Variants in NFX1 observed in about 807,000 individuals in gnomAD.
The protein encoded by NFX1 is transcriptional repressor NF-X1.
Under a neutral mutation model 137.2 loss-of-function variants are expected in NFX1, and 69 were observed. That is an observed-to-expected ratio of 0.50 (90% CI 0.41 to 0.61). The LOEUF is 0.61. Among genes scored for constraint, NFX1 ranks in the 20% least tolerant of loss-of-function variants. The probability of loss-of-function intolerance (pLI) is 0.00; values close to 1 mark genes in which losing one functional copy is unlikely to be tolerated. For synonymous variants in NFX1, 495 were observed against 474.1 expected, an observed-to-expected ratio of 1.04 and a Z score of -0.57; for missense variants, 1,167 against 1,391.0, an observed-to-expected ratio of 0.84 and a Z score of 2.56.
chr9:33,341,757 C>T (rs1260638564), intron 12 of NFX1, among the ~76,000 whole-genome samples: 1 of 152,248 alleles, frequency 6.6e-6, no homozygotes, highest in African/African-American at 2.4e-5. Flanking sequence ...TGGTAAAACC[C>T]CATCTCTGCC....
At chr9:33,307,949 G>A (rs551681643) in intron 5 of NFX1, among the ~76,000 whole-genome samples, 30 of 151,932 alleles carry the variant, frequency 2.0e-4, no homozygotes, top group African/African-American at 6.0e-4. Flanking sequence ...GACTACAGGC[G>A]TGTGCCACCA....
intron 9 of NFX1, among the ~76,000 whole-genome samples, chr9:33,322,883 C>A (rs1822439437): frequency 6.6e-6 from 1 of 152,198 alleles, no homozygotes; most frequent in Non-Finnish European, 1.5e-5. Flanking sequence ...CCATCTAGTT[C>A]ATCAGAGAGA....
chr9:33,339,051 T>C lies in NFX1; in HGVS notation c.2115+462T>C, dbSNP rs1401624911. 5.3e-5 allele frequency among the ~76,000 whole-genome samples: 8 copies of C among 152,310 alleles called. No homozygotes were observed. The East Asian group carries it at 1.3e-3, about 26-fold the overall frequency. Reference sequence around the variant, plus strand: ...AAAATATTTATTTAAAATATTTGCTTTTATGGAACTAATTAAATCACTAGC... The same window carrying C: ...AAAATATTTATTTAAAATATTTGCTCTTATGGAACTAATTAAATCACTAGC... On this transcript the variant is annotated intron_variant, in intron 12 of 23. Coordinates refer to ENST00000379540, the MANE Select transcript of NFX1 (RefSeq NM_002504.6).
At position 33,369,950 on chromosome 9, in the gene NFX1, T is replaced by A; in HGVS notation, c.3335T>A (p.Ile1112Lys). The A allele has an allele frequency of 6.2e-7, 1 of 1,613,500 alleles. No individual in the cohort carries two copies. Among genetic ancestry groups the A allele is most frequent in the Non-Finnish European group, 8.5e-7 (1 of 1,179,530 alleles). The stretch of plus-strand genomic sequence containing the variant: ...TTACAGAAAATAACCAAGGAGCCAA[T>A]AATTGACTATTTTGACGTCCAGGAC... ...SNLQKITKEP[I>K]IDYFDVQD Residue 1112 changes from isoleucine (I) to lysine (K), a missense_variant, in exon 24 of 24, where the codon ATA (isoleucine) becomes AAA (lysine). Physicochemically the swap from Ile to Lys is moderately radical, Grantham distance 102. This residue lies in a region of NFX1 where 312 missense variants were observed against 312.8 expected (regional missense o/e 1.00). Coordinates refer to ENST00000379540, the MANE Select transcript of NFX1 (RefSeq NM_002504.6).
chr9:33,344,603 A>C (rs1229984896), intron 14 of NFX1, among the ~76,000 whole-genome samples: 2 of 152,368 alleles, frequency 1.3e-5, no homozygotes, highest in African/African-American at 4.8e-5. Context: ...GCAGTGGCTC[A>C]TGCCTGTAAT....
At chr9:33,324,802 A>G (rs1822517243) in intron 9 of NFX1, among the ~76,000 whole-genome samples, 1 of 151,036 alleles carries the variant, frequency 6.6e-6, no homozygotes, top group Admixed American at 6.6e-5. Context: ...GGTGGCGGGC[A>G]CCTGTAGTCC....
chr9:33,297,086 A>G (rs1821383344), intron 2 of NFX1, among the ~76,000 whole-genome samples: 1 of 152,170 alleles, frequency 6.6e-6, no homozygotes, highest in African/African-American at 2.4e-5. Flanking sequence ...CCTCCGGAGC[A>G]GCATAGTAAC....
At chr9:33,307,980 G>A (rs1367155903) in intron 5 of NFX1, among the ~76,000 whole-genome samples, 1 of 151,250 alleles carries the variant, frequency 6.6e-6, no homozygotes, top group East Asian at 2.0e-4. Context: ...ATTTTTGTAT[G>A]TTTTGGTAGA....
chr9:33,350,558 GGCTTCT>G (rs1823600263), intron 15 of NFX1, among the ~76,000 whole-genome samples: 1 of 152,110 alleles, frequency 6.6e-6, no homozygotes, highest in South Asian at 2.1e-4. Flanking sequence ...TCACATTTTT[GGCTTCT>G]GCTGCAAATC....
chr9:33,354,971 C>T (rs2118653242), intron 19 of NFX1, 79 bp downstream of exon 19: 4 of 1,367,150 alleles, frequency 2.9e-6, no homozygotes, highest in African/African-American at 1.4e-5. Context: ...ACCCTTCAAA[C>T]GTCATTCACT....
chr9:33,358,647 ATTTTTTTTTTTT>A (rs61589629), intron 19 of NFX1, among the ~76,000 whole-genome samples: 10 of 48,472 alleles, frequency 2.1e-4, no homozygotes, highest in African/African-American at 5.2e-4. Flanking sequence ...GAATGGCTTG[ATTTTTTTTTTTT>A]TTTTTTTTTT....
chr9:33,321,252 C>T (rs973663797), intron 9 of NFX1, among the ~76,000 whole-genome samples: 1 of 152,032 alleles, frequency 6.6e-6, no homozygotes, highest in Non-Finnish European at 1.5e-5. Flanking sequence ...TGGGATGGGA[C>T]AAGACCAGGT....
chr9:33,356,193 G>T (rs142078113), intron 19 of NFX1, among the ~76,000 whole-genome samples: 1 of 152,184 alleles, frequency 6.6e-6, no homozygotes, highest in Non-Finnish European at 1.5e-5. Context: ...ATAACAAGAT[G>T]TCATTGAGCT....
intron 7 of NFX1, among the ~76,000 whole-genome samples, chr9:33,316,114 C>T (rs1822154067): frequency 6.6e-6 from 1 of 152,150 alleles, no homozygotes; most frequent in African/African-American, 2.4e-5. Context: ...TATTGTGAAT[C>T]CTGACCCTGC....
At chr9:33,297,992 A>G (rs576717289) in intron 2 of NFX1, among the ~76,000 whole-genome samples, 46 of 152,274 alleles carry the variant, frequency 3.0e-4, no homozygotes, top group African/African-American at 1.1e-3. Flanking sequence ...CACATTATTC[A>G]TATCATTTTT....
intron 12 of NFX1, among the ~76,000 whole-genome samples, chr9:33,340,116 G>T (rs1823164389): frequency 6.6e-6 from 1 of 152,226 alleles, no homozygotes; most frequent in South Asian, 2.1e-4. Flanking sequence ...CCGTGTGGGG[G>T]CTGCAACCCC....
chr9:33,353,643 G>C (rs959730449), intron 17 of NFX1, among the ~76,000 whole-genome samples: 2 of 151,608 alleles, frequency 1.3e-5, no homozygotes, highest in Non-Finnish European at 2.9e-5. Context: ...CATAGTAGCC[G>C]GGCTTCCAAG....
At chr9:33,339,614 A>T (rs1823144428) in intron 12 of NFX1, among the ~76,000 whole-genome samples, 2 of 152,298 alleles carry the variant, frequency 1.3e-5, no homozygotes, top group African/African-American at 4.8e-5. Context: ...GTCTTAACTC[A>T]TTTCAGCATT....
chr9:33,351,456 A>G (rs976203933), intron 15 of NFX1, 104 bp from the exon 16 acceptor site: 2 of 1,182,626 alleles, frequency 1.7e-6, no homozygotes, highest in Non-Finnish European at 2.4e-6. Flanking sequence ...AAAACAAAAC[A>G]AAACCAAACC....
Sources: gnomAD v4.1 joint callset for allele counts (sites outside exome capture counted in the v4.1 genomes callset) on GRCh38, gnomAD v4.1.1 for gene constraint, gnomAD v4.1.1 regional missense constraint, MANE v1.5 for transcripts, NCBI Gene and HGNC (gene_info 2026-07-23, HGNC 2026-07-21) for gene names.